The following ACSM3 variants were observed in gnomAD, a reference collection of about 807,000 sequenced individuals.
ACSM3 encodes the protein acyl-coenzyme A synthetase ACSM3, mitochondrial.
Under a neutral mutation model 74.1 loss-of-function variants are expected in ACSM3, and 61 were observed. The ratio of observed to expected loss-of-function variants is 0.82; its 90% confidence interval spans 0.67 to 1.02. ACSM3 has a LOEUF of 1.02. Among genes scored for constraint, ACSM3 ranks in the 50% least tolerant of loss-of-function variants. The pLI, the probability that ACSM3 is intolerant of heterozygous loss-of-function variation, is 0.00. For synonymous variants in ACSM3, 213 were observed against 241.5 expected, an observed-to-expected ratio of 0.88 and a Z score of 1.09; for missense variants, 660 against 697.0, an observed-to-expected ratio of 0.95 and a Z score of 0.60.
At chr16:20,789,358 G>A (rs1596535343) in intron 9 of ACSM3, 5 of 754,908 alleles carry the variant, frequency 6.6e-6, no homozygotes, top group Non-Finnish European at 1.1e-5. Context: ...AGTACTTAAA[G>A]GTTTAGCATT....
At chr16:20,788,391 C>T (rs1166516618) in intron 9 of ACSM3, among the ~76,000 whole-genome samples, 1 of 152,190 alleles carries the variant, frequency 6.6e-6, no homozygotes, top group Non-Finnish European at 1.5e-5. Context: ...CAAGGTACCC[C>T]CACCTGCTCC....
intron 1 of ACSM3, chr16:20,737,345 C>A: frequency 6.6e-7 from 1 of 1,505,444 alleles, no homozygotes. Context: ...CTGATAGATA[C>A]AAAAAATCTT....
At chr16:20,772,983 A>G (rs2080211922) in intron 2 of ACSM3, among the ~76,000 whole-genome samples, 2 of 151,684 alleles carry the variant, frequency 1.3e-5, no homozygotes, top group African/African-American at 2.4e-5. Context: ...AAAAAAAAAA[A>G]GATTTAGTGT....
chr16:20,677,712 G>C (rs1009221446), intron 1 of ACSM3, among the ~76,000 whole-genome samples: 4 of 152,170 alleles, frequency 2.6e-5, no homozygotes, highest in African/African-American at 9.7e-5. Context: ...CTCAGTAGTA[G>C]AGGTGCAGTC....
intron 2 of ACSM3, among the ~76,000 whole-genome samples, chr16:20,773,411 T>C (rs2080217574): frequency 6.6e-6 from 1 of 152,162 alleles, no homozygotes; most frequent in Non-Finnish European, 1.5e-5. Flanking sequence ...ATTTAGTTTG[T>C]TCTTGCTTTT....
At chr16:20,679,393 T>A (rs1310939503) in intron 1 of ACSM3, 2 of 152,214 alleles carry the variant, frequency 1.3e-5, no homozygotes, top group African/African-American at 4.8e-5. Flanking sequence ...TCTAGTCACA[T>A]CCTGGAAGCT....
chr16:20,720,999 C>G (rs10492808), intron 1 of ACSM3: 1 of 151,876 alleles, frequency 6.6e-6, no homozygotes, highest in African/African-American at 2.4e-5. Flanking sequence ...CTATTTAGTG[C>G]GAAGAAAATA....
chr16:20,683,679 G>A (rs186361147), intron 1 of ACSM3, among the ~76,000 whole-genome samples: 9 of 135,138 alleles, frequency 6.7e-5, no homozygotes, highest in East Asian at 2.3e-4. Flanking sequence ...TTGCCACCAC[G>A]CCTGGCTAAT....
At chr16:20,739,470 T>A (rs954843402) in intron 1 of ACSM3, among the ~76,000 whole-genome samples, 1 of 152,070 alleles carries the variant, frequency 6.6e-6, no homozygotes, top group Non-Finnish European at 1.5e-5. Flanking sequence ...CATGCCCAGC[T>A]GACTCAGTAT....
intron 1 of ACSM3, among the ~76,000 whole-genome samples, chr16:20,740,537 C>T (rs11859138): frequency 0.029 from 4,483 of 152,318 alleles, 232 homozygotes; most frequent in African/African-American, 0.1. Context: ...TTATTACATA[C>T]CAGTATGTAT....
At chr16:20,748,417 C>T (rs1777300878) in intron 1 of ACSM3, among the ~76,000 whole-genome samples, 1 of 152,214 alleles carries the variant, frequency 6.6e-6, no homozygotes, top group African/African-American at 2.4e-5. Flanking sequence ...GAGTCCACCA[C>T]ATTGCTAGTT....
At chr16:20,729,482 A>T in intron 1 of ACSM3, 2 of 653,624 alleles carry the variant, frequency 3.1e-6, no homozygotes, top group Non-Finnish European at 5.7e-6. Context: ...TGAAGTGGAG[A>T]GTGTGCTTGC....
chr16:20,708,943 A>G (rs2079735244), intron 1 of ACSM3, among the ~76,000 whole-genome samples: 1 of 152,258 alleles, frequency 6.6e-6, no homozygotes, highest in South Asian at 2.1e-4. Context: ...CATCAATGCA[A>G]TAGAATAGAG....
chr16:20,682,157 A>G, intron 1 of ACSM3: 1 of 1,194,336 alleles, frequency 8.4e-7, no homozygotes, highest in Non-Finnish European at 1.2e-6. Flanking sequence ...GCACCTAAAT[A>G]ATAAATACAT....
intron 1 of ACSM3, among the ~76,000 whole-genome samples, chr16:20,704,924 TAAATC>T (rs1480640862): frequency 6.6e-6 from 1 of 152,214 alleles, no homozygotes; most frequent in Non-Finnish European, 1.5e-5. Flanking sequence ...GTGGCACAGA[TAAATC>T]AAATAATTCA....
chr16:20,690,005 G>T (rs1034840306), intron 1 of ACSM3, among the ~76,000 whole-genome samples: 1 of 152,220 alleles, frequency 6.6e-6, no homozygotes, highest in African/African-American at 2.4e-5. Context: ...CTAATTAGAT[G>T]ATTAAATGCA....
chr16:20,761,680 A>G (rs1388591101), upstream of ACSM3, among the ~76,000 whole-genome samples: 1 of 152,176 alleles, frequency 6.6e-6, no homozygotes, highest in Non-Finnish European at 1.5e-5. Flanking sequence ...CTCTAAAATA[A>G]TTGGTTGCAG....
intron 1 of ACSM3, chr16:20,682,255 C>T: frequency 1.2e-6 from 2 of 1,612,654 alleles, no homozygotes; most frequent in Non-Finnish European, 1.7e-6. Context: ...CAGAGACTCA[C>T]TTAACCAGCG....
intron 1 of ACSM3, among the ~76,000 whole-genome samples, chr16:20,700,918 T>G (rs2079711163): frequency 1.3e-5 from 2 of 152,158 alleles, no homozygotes; most frequent in South Asian, 4.2e-4. Flanking sequence ...GGGAGGCTAC[T>G]GCAATAGACT....
Sources: gnomAD v4.1 joint callset for allele counts (sites outside exome capture counted in the v4.1 genomes callset) on GRCh38, gnomAD v4.1.1 for gene constraint, MANE v1.5 for transcripts, NCBI Gene and HGNC (gene_info 2026-07-23, HGNC 2026-07-21) for gene names.